Variants in CHCHD4 observed in about 807,000 individuals in gnomAD.
CHCHD4 encodes the protein mitochondrial intermembrane space import and assembly protein 40.
Under a neutral mutation model 12.4 loss-of-function variants are expected in CHCHD4, and 7 were observed. That is an observed-to-expected ratio of 0.57 (90% CI 0.32 to 1.06). The LOEUF (loss-of-function observed/expected upper bound fraction) is 1.06, where lower values mean the gene tolerates loss of function less well. Ranked by LOEUF, CHCHD4 falls within the 50% of genes least tolerant of loss-of-function variation. The probability of loss-of-function intolerance (pLI) is 0.04; values close to 1 mark genes in which losing one functional copy is unlikely to be tolerated. For missense variants in CHCHD4, 143 were observed against 175.1 expected (o/e 0.82, Z 1.03); for synonymous variants, 56 against 58.0 (o/e 0.97, Z 0.16).
At position 14,124,753 on chromosome 3, in the gene CHCHD4, C is replaced by G; in HGVS notation, c.-77G>C. 1.4e-6 allele frequency: 2 copies of G among 1,448,804 alleles called. No individual in the cohort carries two copies. Among genetic ancestry groups the G allele is most frequent in the Middle Eastern group, 1.7e-4 (1 of 5,718 alleles). The allele number at this position is 1,448,804 out of a possible 1,614,324, so 89.7% of individuals were successfully genotyped here. On this transcript the variant is annotated 5_prime_UTR_variant, in exon 1 of 3. Transcript: ENST00000396914. ...ACCTTTACGCCGTGACCTCCCTCTC[C>G]TCTGGCAGGGCGGGCTCCTCCGAAG...
chr3:14,121,615 C>T (rs1213583718), intron 1 of CHCHD4, among the ~76,000 whole-genome samples: 3 of 152,166 alleles, frequency 2.0e-5, no homozygotes, highest in South Asian at 2.1e-4. Flanking sequence ...TATTTTCTTT[C>T]GTTTTTGGCT....
chr3:14,120,848 G>A (rs983601076), intron 1 of CHCHD4, among the ~76,000 whole-genome samples: 2 of 152,128 alleles, frequency 1.3e-5, no homozygotes, highest in Non-Finnish European at 2.9e-5. Context: ...CAGTCAACAG[G>A]GACAGGTTTA....
intron 2 of CHCHD4, 117 bp downstream of exon 2, chr3:14,116,309 G>T (rs1694875325): frequency 6.4e-6 from 5 of 777,374 alleles, no homozygotes; most frequent in Middle Eastern, 2.8e-4. Context: ...GTCTATGGCT[G>T]AGAATAGATA....
intron 2 of CHCHD4, among the ~76,000 whole-genome samples, chr3:14,116,014 T>C (rs1256630155): frequency 1.3e-5 from 2 of 152,226 alleles, no homozygotes; most frequent in East Asian, 3.8e-4. Context: ...CCTTTTCATG[T>C]AAGGTGCTTG....
intron 1 of CHCHD4, chr3:14,122,104 G>C: frequency 6.4e-7 from 1 of 1,564,814 alleles, no homozygotes; most frequent in Non-Finnish European, 8.6e-7. Context: ...GCAAAAGGAG[G>C]GTTTTAAGTA....
chr3:14,121,795 T>G (rs1227066288), intron 1 of CHCHD4: 1 of 1,541,424 alleles, frequency 6.5e-7, no homozygotes, highest in East Asian at 2.3e-5. Flanking sequence ...ATGTTTAGAA[T>G]CTAACCCCTT....
At position 14,112,821 on chromosome 3, in the gene CHCHD4, G is replaced by A; in HGVS notation, c.*66C>T. On this transcript the variant is annotated 3_prime_UTR_variant, in exon 3 of 3. Coordinates refer to ENST00000396914, the MANE Select transcript of CHCHD4 (RefSeq NM_001098502.2). ...ACAGAAGGAAACTTTCTTGGAAGGT[G>A]ATGACAAGGCCTTTTGCAAAAGGTC... The A allele has an allele frequency of 7.0e-7, 1 of 1,436,370 alleles. No individual in the cohort carries two copies. Among genetic ancestry groups the A allele is most frequent in the East Asian group, 2.3e-5 (1 of 43,476 alleles). 89.0% of individuals were successfully genotyped at this position (1,436,370 alleles called of 1,614,324 possible).
At chr3:14,123,217 C>A (rs1376405326) in intron 1 of CHCHD4, among the ~76,000 whole-genome samples, 1 of 152,140 alleles carries the variant, frequency 6.6e-6, no homozygotes, top group East Asian at 1.9e-4. Context: ...GACCTAGCCT[C>A]CCCTTTCCAG....
At chr3:14,123,570 T>C (rs1694963983) in intron 1 of CHCHD4, among the ~76,000 whole-genome samples, 2 of 152,134 alleles carry the variant, frequency 1.3e-5, no homozygotes, top group South Asian at 4.1e-4. Flanking sequence ...GCCACCTCCT[T>C]CTCTGGGCTT....
chr3:14,116,398 G>A, intron 2 of CHCHD4, 28 bp downstream of exon 2: 1 of 1,471,906 alleles, frequency 6.8e-7, no homozygotes, highest in Non-Finnish European at 9.5e-7. Flanking sequence ...CCCTGGTGTG[G>A]GTCCCTGGGA....
intron 1 of CHCHD4, chr3:14,119,418 G>A (rs1177783189): frequency 7.0e-6 from 1 of 143,858 alleles, no homozygotes; most frequent in African/African-American, 2.7e-5. Flanking sequence ...TCCATTGTAT[G>A]CCTGTCCTAG....
chr3:14,113,067 C>T lies in CHCHD4; in HGVS notation c.249G>A (p.Lys83=), dbSNP rs764100024. The T allele has an allele frequency of 1.2e-6, 2 of 1,614,130 alleles. No individual in the cohort carries two copies. The highest frequency in any genetic ancestry group is 1.1e-5 in the South Asian group (1 of 91,082). Residue 83 remains lysine, a synonymous_variant, in exon 3 of 3, where the codon AAG becomes AAA. Transcript: ENST00000396914. ...GGAACTGGTCTACACAGTCTGACCC[C>T]TTGATCTCCTCCGTGCTATAGTGGA... ...SCFHYSTEEI[K]GSDCVDQFRA... is the part of the protein sequence containing the mutation.
intron 2 of CHCHD4, among the ~76,000 whole-genome samples, chr3:14,114,951 A>G (rs1694860677): frequency 6.6e-6 from 1 of 152,074 alleles, no homozygotes; most frequent in Admixed American, 6.5e-5. Flanking sequence ...GGATCAGATG[A>G]TCTTTAAGGC....
intron 2 of CHCHD4, among the ~76,000 whole-genome samples, chr3:14,115,268 T>TA (rs144313301): frequency 9.1e-4 from 138 of 150,990 alleles, no homozygotes; most frequent in East Asian, 7.5e-3. Context: ...CAGAAGCAGG[T>TA]AAAAAAAAAC....
chr3:14,113,894 T>G (rs777897069), intron 2 of CHCHD4, among the ~76,000 whole-genome samples: 6 of 152,258 alleles, frequency 3.9e-5, no homozygotes, highest in Admixed American at 6.5e-5. Flanking sequence ...TTCTTACTTT[T>G]GACTTTTATA....
intron 1 of CHCHD4, chr3:14,122,023 C>T: frequency 1.2e-6 from 2 of 1,613,158 alleles, no homozygotes; most frequent in Non-Finnish European, 1.7e-6. Context: ...TTGTCCCTGA[C>T]AAAGAGCTTC....
At chr3:14,124,621 T>C in intron 1 of CHCHD4, 34 bp downstream of exon 1, 1 of 1,498,930 alleles carries the variant, frequency 6.7e-7, no homozygotes, top group Non-Finnish European at 8.9e-7. Flanking sequence ...CAGGCCCTCG[T>C]AGGCCGGTCT....
intron 1 of CHCHD4, among the ~76,000 whole-genome samples, chr3:14,118,106 C>T (rs1465773063): frequency 1.3e-5 from 2 of 152,182 alleles, no homozygotes; most frequent in Non-Finnish European, 2.9e-5. Flanking sequence ...ACCAACTGAC[C>T]ATGCATTCTG....
intron 1 of CHCHD4, among the ~76,000 whole-genome samples, chr3:14,120,183 A>G (rs1694917990): frequency 6.6e-6 from 1 of 152,008 alleles, no homozygotes; most frequent in African/African-American, 2.4e-5. Flanking sequence ...GGGGCTGAGA[A>G]CAGAACTGAG....
Sources: gnomAD v4.1 joint callset for allele counts (sites outside exome capture counted in the v4.1 genomes callset) on GRCh38, gnomAD v4.1.1 for gene constraint, MANE v1.5 for transcripts, NCBI Gene and HGNC (gene_info 2026-07-23, HGNC 2026-07-21) for gene names.